NALCN: variants seen among roughly 807,000 people sequenced by gnomAD.
NALCN encodes the protein sodium leak channel NALCN.
Under a neutral mutation model 225.3 loss-of-function variants are expected in NALCN, and 111 were observed. That is an observed-to-expected ratio of 0.49 (90% CI 0.42 to 0.58). The LOEUF is 0.58. Ranked by LOEUF, NALCN falls within the 20% of genes least tolerant of loss-of-function variation. The pLI is 0.00. For missense variants in NALCN, 1,378 were observed against 2,202.4 expected (o/e 0.63, Z 7.49); for synonymous variants, 764 against 769.0 (o/e 0.99, Z 0.11).
intron 15 of NALCN, among the ~76,000 whole-genome samples, chr13:101,174,285 G>C (rs569453146): frequency 5.3e-5 from 8 of 152,134 alleles, no homozygotes; most frequent in Non-Finnish European, 1.2e-4. Flanking sequence ...AATACCCAGA[G>C]TATATGGTCC....
chr13:101,082,560 G>A (rs1008745584), intron 33 of NALCN, among the ~76,000 whole-genome samples: 4 of 152,134 alleles, frequency 2.6e-5, no homozygotes, highest in African/African-American at 4.8e-5. Flanking sequence ...ATCAGAACTC[G>A]CATAACTAGA....
chr13:101,397,568 CAT>C (rs774373170), intron 2 of NALCN, among the ~76,000 whole-genome samples: 12 of 150,968 alleles, frequency 7.9e-5, no homozygotes, highest in East Asian at 3.9e-4. Flanking sequence ...TATGTTAACA[CAT>C]ATAACATATA....
chr13:101,202,059 C>T (rs962760581), intron 13 of NALCN, among the ~76,000 whole-genome samples: 3 of 152,140 alleles, frequency 2.0e-5, no homozygotes, highest in African/African-American at 4.8e-5. Flanking sequence ...TTTTCCCAAA[C>T]AGCAATAATT....
chr13:101,297,921 T>C (rs766566484), intron 7 of NALCN, among the ~76,000 whole-genome samples: 8 of 152,200 alleles, frequency 5.3e-5, no homozygotes, highest in African/African-American at 9.7e-5. Context: ...TGATCAGACA[T>C]CACCCTTTTC....
At chr13:101,278,843 T>A (rs570419692) in intron 10 of NALCN, among the ~76,000 whole-genome samples, 35 of 152,326 alleles carry the variant, frequency 2.3e-4, no homozygotes, top group African/African-American at 8.2e-4. Context: ...ATAAGTGTTC[T>A]GTATGGAAAA....
At chr13:101,117,047 C>A (rs761741973) in intron 18 of NALCN, 1 of 475,466 alleles carries the variant, frequency 2.1e-6, no homozygotes, top group South Asian at 1.5e-5. Flanking sequence ...CTAGTGGATA[C>A]CCCACTCCTT....
At chr13:101,217,844 G>A (rs1175222272) in intron 13 of NALCN, among the ~76,000 whole-genome samples, 1 of 152,130 alleles carries the variant, frequency 6.6e-6, no homozygotes, top group African/African-American at 2.4e-5. Context: ...TCTTGGGAAG[G>A]ATCTGGGGTC....
rs537862462 is a variant in NALCN, at chr13:101,071,441, T to G, written c.4197+2143A>C. On this transcript the variant is annotated intron_variant, in intron 37 of 43. Coordinates refer to ENST00000251127, the MANE Select transcript of NALCN (RefSeq NM_052867.4). ...TCTTCTAGATAACTTGCCACAGCTT[T>G]TATATCAGCAGCACTTACACTTTCA... Among the ~76,000 whole-genome samples, 17 of 152,350 alleles carry G rather than the reference T, an allele frequency of 1.1e-4. No homozygotes were observed. The South Asian group carries it at 3.1e-3, about 28-fold the overall frequency.
chr13:101,262,709 T>C (rs1396218016), intron 10 of NALCN, among the ~76,000 whole-genome samples: 1 of 152,152 alleles, frequency 6.6e-6, no homozygotes, highest in Admixed American at 6.6e-5. Flanking sequence ...ACTGCCAATG[T>C]CTCCATGACT....
At chr13:101,112,195 C>T (rs955394552) in intron 18 of NALCN, among the ~76,000 whole-genome samples, 1 of 111,064 alleles carries the variant, frequency 9.0e-6, no homozygotes, top group Non-Finnish European at 2.0e-5. Flanking sequence ...AACCACAGTT[C>T]AAAAAAAAAA....
intron 18 of NALCN, among the ~76,000 whole-genome samples, chr13:101,123,118 G>T (rs1008552302): frequency 1.3e-5 from 2 of 152,226 alleles, no homozygotes; most frequent in Non-Finnish European, 2.9e-5. Context: ...TCCTAGGGAA[G>T]TGAGGTCTGG....
intron 10 of NALCN, among the ~76,000 whole-genome samples, chr13:101,280,257 C>A (rs1465264542): frequency 6.6e-6 from 1 of 152,182 alleles, no homozygotes; most frequent in African/African-American, 2.4e-5. Flanking sequence ...TTGTGTCACA[C>A]TGAATTACCT....
chr13:101,141,377 A>C (rs1326799216), intron 17 of NALCN, among the ~76,000 whole-genome samples: 2 of 150,950 alleles, frequency 1.3e-5, no homozygotes, highest in African/African-American at 4.9e-5. Context: ...TAATTACTTA[A>C]AAAAAAAATG....
At chr13:101,208,854 C>A (rs1046562896) in intron 13 of NALCN, among the ~76,000 whole-genome samples, 3 of 152,212 alleles carry the variant, frequency 2.0e-5, no homozygotes, top group South Asian at 4.1e-4. Context: ...TGAGGCCTCA[C>A]AAGGAGCAGA....
intron 6 of NALCN, among the ~76,000 whole-genome samples, chr13:101,357,404 A>G (rs2046096129): frequency 6.6e-6 from 1 of 152,156 alleles, no homozygotes; most frequent in Non-Finnish European, 1.5e-5. Context: ...ACAAGCAGAG[A>G]GCCAAATCAT....
intron 20 of NALCN, among the ~76,000 whole-genome samples, chr13:101,109,028 C>T (rs2035289911): frequency 6.6e-6 from 1 of 152,148 alleles, no homozygotes; most frequent in Non-Finnish European, 1.5e-5. Flanking sequence ...GGCACTGAGA[C>T]TATTCAAATA....
At chr13:101,130,639 A>G (rs2036472359) in intron 17 of NALCN, among the ~76,000 whole-genome samples, 1 of 152,208 alleles carries the variant, frequency 6.6e-6, no homozygotes, top group African/African-American at 2.4e-5. Context: ...TGGCTCAGAT[A>G]TTCTTTGCCT....
intron 2 of NALCN, among the ~76,000 whole-genome samples, chr13:101,397,085 T>C (rs1237045445): frequency 1.7e-5 from 1 of 58,168 alleles, no homozygotes; most frequent in Non-Finnish European, 2.7e-5. Flanking sequence ...TATATATATA[T>C]ATATATATAT....
chr13:101,333,228 T>C (rs950386741), intron 7 of NALCN, among the ~76,000 whole-genome samples: 2 of 152,220 alleles, frequency 1.3e-5, no homozygotes, highest in Non-Finnish European at 2.9e-5. Flanking sequence ...TAATAATCTT[T>C]ATAGTAGCAA....
Sources: allele counts gnomAD v4.1 joint callset (sites outside exome capture counted in the v4.1 genomes callset), GRCh38; gene constraint gnomAD v4.1.1; transcripts MANE v1.5; gene names NCBI Gene and HGNC (gene_info 2026-07-23, HGNC 2026-07-21).